The following CAMK1D variants were observed in gnomAD, a reference collection of about 807,000 sequenced individuals.
CAMK1D encodes the protein calcium/calmodulin-dependent protein kinase type 1D.
A neutral mutation model predicts 47.7 loss-of-function variants in CAMK1D; 9 were observed. That is an observed-to-expected ratio of 0.19 (90% CI 0.11 to 0.33). CAMK1D has a LOEUF of 0.33. Among genes scored for constraint, CAMK1D ranks in the 10% least tolerant of loss-of-function variants. CAMK1D has a pLI of 1.00. For missense variants in CAMK1D, 291 were observed against 488.7 expected (o/e 0.60, Z 3.81); for synonymous variants, 184 against 184.9 (o/e 0.99, Z 0.04).
chr10:12,558,514 G>A (rs1451857930), intron 2 of CAMK1D, among the ~76,000 whole-genome samples: 2 of 151,616 alleles, frequency 1.3e-5, no homozygotes, highest in Non-Finnish European at 2.9e-5. Flanking sequence ...AGATCGTGCC[G>A]TTGCACTCCA....
At chr10:12,599,225 G>A (rs885549) in intron 2 of CAMK1D, among the ~76,000 whole-genome samples, 4,054 of 152,296 alleles carry the variant, frequency 0.027, 158 homozygotes, top group African/African-American at 0.08. Context: ...AAATTATGGT[G>A]AAGGTTTTGG....
chr10:12,606,651 G>A (rs1838469866), intron 2 of CAMK1D, among the ~76,000 whole-genome samples: 1 of 152,088 alleles, frequency 6.6e-6, no homozygotes, highest in Non-Finnish European at 1.5e-5. Context: ...GTATAATCAG[G>A]GCTCTCATGC....
At chr10:12,550,233 G>A (rs1836533394) in intron 1 of CAMK1D, among the ~76,000 whole-genome samples, 1 of 152,188 alleles carries the variant, frequency 6.6e-6, no homozygotes, top group African/African-American at 2.4e-5. Flanking sequence ...GGACTCAAGT[G>A]GCCAACAGGG....
chr10:12,666,653 C>G (rs1840440618), intron 2 of CAMK1D, 83 bp from the exon 3 acceptor site: 1 of 1,119,368 alleles, frequency 8.9e-7, no homozygotes. Flanking sequence ...TGTTTTGTAA[C>G]TTTTTGCTAC....
chr10:12,784,347 A>G (rs1219678215), intron 5 of CAMK1D, among the ~76,000 whole-genome samples: 2 of 151,818 alleles, frequency 1.3e-5, no homozygotes, highest in African/African-American at 2.4e-5. Flanking sequence ...ACAGGCATCC[A>G]CCACCGCGTC....
At chr10:12,656,890 G>A (rs984694769) in intron 2 of CAMK1D, among the ~76,000 whole-genome samples, 1 of 152,078 alleles carries the variant, frequency 6.6e-6, no homozygotes, top group Non-Finnish European at 1.5e-5. Context: ...CACGTGGATA[G>A]ATAAATAACA....
chr10:12,534,503 A>T (rs1428612941), intron 1 of CAMK1D, among the ~76,000 whole-genome samples: 4 of 152,188 alleles, frequency 2.6e-5, no homozygotes, highest in Non-Finnish European at 5.9e-5. Context: ...AGTAGCTGGA[A>T]TTACATGCAT....
intron 4 of CAMK1D, among the ~76,000 whole-genome samples, chr10:12,767,632 A>G (rs940385606): frequency 2.0e-5 from 3 of 152,210 alleles, no homozygotes; most frequent in Non-Finnish European, 4.4e-5. Flanking sequence ...CAGTATGTGT[A>G]AGATGTACAT....
At chr10:12,774,455 G>T (rs1021869626) in intron 5 of CAMK1D, among the ~76,000 whole-genome samples, 1 of 152,138 alleles carries the variant, frequency 6.6e-6, no homozygotes. Flanking sequence ...GGAAGGAGAG[G>T]AATAGGAGAG....
intron 2 of CAMK1D, among the ~76,000 whole-genome samples, chr10:12,615,525 GGT>G (rs996304778): frequency 1.2e-4 from 17 of 147,520 alleles, no homozygotes; most frequent in Admixed American, 2.7e-4. Context: ...TGTGTATATC[GGT>G]GTGTGTGCAT....
rs147000660 is a variant in CAMK1D at position 12,607,647 on chromosome 10, C to T, written c.224+54291C>T. Reference sequence around the variant, plus strand: ...ATCCTGGAACTTTCCTACCCAGATGCGAAGATGCTTTTGATTTTAGAACTA... The same window carrying T: ...ATCCTGGAACTTTCCTACCCAGATGTGAAGATGCTTTTGATTTTAGAACTA... On this transcript the variant is annotated intron_variant, in intron 2 of 10. Transcript: ENST00000619168. Among the ~76,000 whole-genome samples, 255 of 152,222 alleles carry T rather than the reference C, an allele frequency of 1.7e-3. 2 individuals carry two copies. In the Middle Eastern group the frequency reaches 0.017, roughly 10 times the overall value.
chr10:12,586,966 C>T (rs987576538), intron 2 of CAMK1D, among the ~76,000 whole-genome samples: 7 of 152,144 alleles, frequency 4.6e-5, no homozygotes, highest in Non-Finnish European at 8.8e-5. Context: ...GACCATGACT[C>T]ACAGGAAGGC....
intron 2 of CAMK1D, among the ~76,000 whole-genome samples, chr10:12,652,627 C>T (rs1212621555): frequency 7.9e-5 from 12 of 151,954 alleles, no homozygotes; most frequent in Admixed American, 2.0e-4. Context: ...TGAATAGTAA[C>T]GAGTTTATTA....
rs1489970562 is a variant in CAMK1D, at chr10:12,448,530, G to A, written c.92+98620G>A. ...TCTCTGGAGGAGAAACTGTAGAGCC[G>A]TGTGGATTCTTGCCTGGGTTTGTTT... is the stretch of plus-strand genomic sequence containing the variant. On this transcript the variant is annotated intron_variant, in intron 1 of 10. Coordinates refer to ENST00000619168, the MANE Select transcript of CAMK1D (RefSeq NM_153498.4). Among the ~76,000 whole-genome samples, 6 of 152,262 alleles carry A rather than the reference G, an allele frequency of 3.9e-5. No homozygotes were observed. In the East Asian group the frequency reaches 9.6e-4, roughly 24 times the overall value.
chr10:12,406,596 G>A (rs1354505692), intron 1 of CAMK1D, among the ~76,000 whole-genome samples: 1 of 151,664 alleles, frequency 6.6e-6, no homozygotes, highest in African/African-American at 2.4e-5. Flanking sequence ...GGTGGTGCAA[G>A]TCTGTAGTCT....
rs71982177 is a variant in CAMK1D, at chr10:12,749,562, G to GTTTT, written c.300-11383_300-11382insTTTT. Reference sequence around the variant, plus strand: ...TTGTTTGTTTGTTTTTTGTTTGTTTGTTTGTTTGTTTGTTTTGATGAAGTC... The same window carrying GTTTT: ...TTGTTTGTTTGTTTTTTGTTTGTTTGTTTTTTTGTTTGTTTGTTTTGATGAAGTC... On this transcript the variant is annotated intron_variant, in intron 3 of 10. Coordinates refer to ENST00000619168, the MANE Select transcript of CAMK1D (RefSeq NM_153498.4). Among the ~76,000 whole-genome samples, 28 of 108,742 alleles carry GTTTT rather than the reference G, an allele frequency of 2.6e-4. 1 individual carries two copies. Among genetic ancestry groups the GTTTT allele is most frequent in the African/African-American group, 1.2e-3 (22 of 18,286 alleles). 71.3% of individuals were successfully genotyped at this position (108,742 alleles called of 152,430 possible). A position where few individuals can be genotyped will look rare whatever the true frequency, so the allele number is the denominator to read the frequency against.
At chr10:12,612,045 C>T (rs1564444355) in intron 2 of CAMK1D, among the ~76,000 whole-genome samples, 1 of 152,194 alleles carries the variant, frequency 6.6e-6, no homozygotes. Flanking sequence ...AAAAAGCACT[C>T]CCTCTTAGGA....
intron 2 of CAMK1D, among the ~76,000 whole-genome samples, chr10:12,638,519 A>T (rs1169029469): frequency 6.6e-6 from 1 of 151,996 alleles, no homozygotes; most frequent in Non-Finnish European, 1.5e-5. Context: ...TCCTTGGATA[A>T]ATCCTGCTTG....
chr10:12,591,318 A>G (rs1038039002), intron 2 of CAMK1D, among the ~76,000 whole-genome samples: 8 of 152,124 alleles, frequency 5.3e-5, no homozygotes, highest in African/African-American at 1.9e-4. Flanking sequence ...CAGCTGCCCT[A>G]ATTTTTGTCG....
Sources: allele counts gnomAD v4.1 joint callset (sites outside exome capture counted in the v4.1 genomes callset), GRCh38; gene constraint gnomAD v4.1.1; transcripts MANE v1.5; gene names NCBI Gene and HGNC (gene_info 2026-07-23, HGNC 2026-07-21).